Variants in EYA1 observed in about 807,000 individuals in gnomAD.
The protein encoded by EYA1 is EYA transcriptional coactivator and phosphatase 1.
A neutral mutation model predicts 82.0 loss-of-function variants in EYA1; 16 were observed. The ratio of observed to expected loss-of-function variants is 0.20; its 90% CI spans 0.13 to 0.30. The LOEUF (loss-of-function observed/expected upper bound fraction) is 0.30, where lower values mean the gene tolerates loss of function less well. Ranked by LOEUF, EYA1 falls within the 10% of genes least tolerant of loss-of-function variation. EYA1 has a pLI of 1.00. For missense variants in EYA1, 633 were observed against 730.7 expected (o/e 0.87, Z 1.54); for synonymous variants, 261 against 264.4 (o/e 0.99, Z 0.12).
chr8:71,459,513 C>G (rs1808209682), intron 2 of EYA1, among the ~76,000 whole-genome samples: 2 of 152,130 alleles, frequency 1.3e-5, no homozygotes, highest in African/African-American at 2.4e-5. Flanking sequence ...TCTCTTGTCT[C>G]CATGTTAACC....
intron 2 of EYA1, among the ~76,000 whole-genome samples, chr8:71,410,199 C>T (rs1441067138): frequency 7.2e-6 from 1 of 138,436 alleles, no homozygotes; most frequent in African/African-American, 2.7e-5. Context: ...TAAAAACTCT[C>T]AATAAATTAG....
chr8:71,359,638 G>A (rs557608124), intron 1 of EYA1, among the ~76,000 whole-genome samples: 16 of 152,322 alleles, frequency 1.1e-4, no homozygotes, highest in Admixed American at 9.8e-4. Context: ...CAGCAGCACA[G>A]AGCAAATAAA....
rs188486874 is a variant in EYA1 at position 71,356,607 on chromosome 8, C to A, written c.-54-96G>T. On this transcript the variant is annotated intron_variant, in intron 1 of 17. Transcript: ENST00000340726. ...GCACATGGCTGAGAACGACAATGCT[C>A]TCTTTTAACCAAAAGAGAAAAAGGA... 37 of 1,431,376 alleles carry A rather than the reference C, an allele frequency of 2.6e-5. 1 individual carries two copies. In the African/African-American group the frequency reaches 4.1e-4, roughly 16 times the overall value. The allele number at this position is 1,431,376 out of a possible 1,614,324, so 88.7% of individuals were successfully genotyped here. A position where few individuals can be genotyped will look rare whatever the true frequency, so the allele number is the denominator to read the frequency against.
intron 2 of EYA1, among the ~76,000 whole-genome samples, chr8:71,520,215 C>A (rs367854664): frequency 2.1e-4 from 31 of 150,490 alleles, no homozygotes; most frequent in African/African-American, 5.6e-4. Flanking sequence ...CCTCATTGGC[C>A]CCCCCCTCCA....
intron 2 of EYA1, among the ~76,000 whole-genome samples, chr8:71,397,567 T>C (rs1829701944): frequency 6.6e-6 from 1 of 152,232 alleles, no homozygotes. Flanking sequence ...TGGCTGGATA[T>C]GAAATTCTGG....
intron 4 of EYA1, among the ~76,000 whole-genome samples, chr8:71,325,440 A>T (rs1373078147): frequency 6.6e-6 from 1 of 152,220 alleles, no homozygotes; most frequent in African/African-American, 2.4e-5. Context: ...TTCTGGGGCC[A>T]GGGTCTTCTT....
chr8:71,335,637 C>A (rs550857704), intron 3 of EYA1, among the ~76,000 whole-genome samples: 8 of 152,218 alleles, frequency 5.3e-5, no homozygotes, highest in Admixed American at 1.3e-4. Context: ...CTGACATAAG[C>A]CTGTATTTCC....
chr8:71,519,175 G>T (rs1813204986), intron 2 of EYA1, among the ~76,000 whole-genome samples: 2 of 152,070 alleles, frequency 1.3e-5, no homozygotes, highest in Admixed American at 6.6e-5. Flanking sequence ...TGAGTTGGAA[G>T]ACAAAAAACA....
At chr8:71,380,773 A>G (rs376464392) in intron 2 of EYA1, among the ~76,000 whole-genome samples, 40 of 152,294 alleles carry the variant, frequency 2.6e-4, no homozygotes, top group Non-Finnish European at 5.6e-4. Flanking sequence ...TTATTTATCT[A>G]TTTCACTGGG....
At chr8:71,216,547 T>A (rs974962532) in intron 14 of EYA1, 145 bp downstream of exon 14, 4 of 868,084 alleles carry the variant, frequency 4.6e-6, no homozygotes, top group Non-Finnish European at 7.6e-6. Flanking sequence ...TGTCACTAAA[T>A]CACAGCAGAA....
chr8:71,544,462 C>T (rs1815391104), intron 1 of EYA1, among the ~76,000 whole-genome samples: 1 of 152,142 alleles, frequency 6.6e-6, no homozygotes. Context: ...GCCACGTAGT[C>T]CAGCACCGGA....
At chr8:71,482,174 TA>T (rs1810213638) in intron 2 of EYA1, among the ~76,000 whole-genome samples, 1 of 151,980 alleles carries the variant, frequency 6.6e-6, no homozygotes. Context: ...ATGCAGGATA[TA>T]AAAAGAACAC....
At chr8:71,314,366 T>C (rs557838265) in intron 7 of EYA1, among the ~76,000 whole-genome samples, 22 of 152,204 alleles carry the variant, frequency 1.4e-4, no homozygotes, top group Admixed American at 3.3e-4. Flanking sequence ...ATATACATTC[T>C]GTAGCAAATT....
At chr8:71,202,655 CTT>C (rs1807194964) in intron 17 of EYA1, among the ~76,000 whole-genome samples, 1 of 152,162 alleles carries the variant, frequency 6.6e-6, no homozygotes, top group Admixed American at 6.5e-5. Flanking sequence ...ACAATGAAAA[CTT>C]TGCAAATCTT....
chr8:71,232,136 C>T (rs1811271312), intron 12 of EYA1, among the ~76,000 whole-genome samples: 1 of 152,248 alleles, frequency 6.6e-6, no homozygotes, highest in Non-Finnish European at 1.5e-5. Context: ...CAACAACCAC[C>T]TCCCTTCAAT....
rs1362654625 is a variant in EYA1 at position 71,198,571 on chromosome 8, A to G, written c.*769T>C. 1 of 152,696 alleles carries G rather than the reference A, an allele frequency of 6.5e-6. No homozygotes were observed. The highest frequency in any genetic ancestry group is 2.4e-5 in the African/African-American group (1 of 41,462). The allele number at this position is 152,696 out of a possible 1,614,324, so 9.5% of individuals were successfully genotyped here. A position where few individuals can be genotyped will look rare whatever the true frequency, so the allele number is the denominator to read the frequency against. ...ACCTTTCAATATCATTTCCCTAAACAATATGTAAAAGAATTATCCATTATT... is the reference window on the plus strand; with the variant it reads ...ACCTTTCAATATCATTTCCCTAAACGATATGTAAAAGAATTATCCATTATT... On this transcript the variant is annotated 3_prime_UTR_variant, in exon 18 of 18. Transcript: ENST00000340726.
At chr8:71,372,025 A>T (rs1197746161) in intron 2 of EYA1, among the ~76,000 whole-genome samples, 1 of 152,166 alleles carries the variant, frequency 6.6e-6, no homozygotes, top group Non-Finnish European at 1.5e-5. Context: ...GAGAGGAAGG[A>T]CAATAAAGCC....
rs568109283 is a variant in EYA1, at chr8:71,536,390, C to T, written c.-72-542G>A. ...AAGTTTACATTAGGTCACAGTTTCA[C>T]GGATGATCAAGTCTGCACCTTCAGA... On this transcript the variant is annotated intron_variant, in intron 1 of 18. Transcript: ENST00000643681. Among the ~76,000 whole-genome samples the T allele has an allele frequency of 2.6e-5, 4 of 152,258 alleles. No individual in the cohort carries two copies. In the South Asian group the frequency reaches 8.3e-4, roughly 32 times the overall value.
chr8:71,440,299 G>A (rs773954521), intron 2 of EYA1, among the ~76,000 whole-genome samples: 4 of 152,128 alleles, frequency 2.6e-5, no homozygotes, highest in Non-Finnish European at 4.4e-5. Context: ...TTGTGATAGG[G>A]GCATGACATG....
Sources: gnomAD v4.1 joint callset for allele counts (sites outside exome capture counted in the v4.1 genomes callset) on GRCh38, gnomAD v4.1.1 for gene constraint, MANE v1.5 for transcripts, NCBI Gene and HGNC (gene_info 2026-07-23, HGNC 2026-07-21) for gene names.